Variants in CCDC126 observed in about 807,000 individuals in gnomAD.
CCDC126 encodes coiled-coil domain containing 126.
Under a neutral mutation model 11.7 loss-of-function variants are expected in CCDC126, and 5 were observed. The observed-to-expected ratio is 0.43, with a 90% confidence interval of 0.22 to 0.90. The LOEUF is 0.90. CCDC126 is among the 40% of genes least tolerant of loss of function. The probability of loss-of-function intolerance (pLI) is 0.27; values close to 1 mark genes in which losing one functional copy is unlikely to be tolerated. For synonymous variants in CCDC126, 60 were observed against 61.9 expected (o/e 0.97, Z 0.14); for missense variants, 150 against 163.1 (o/e 0.92, Z 0.44).
intron 3 of CCDC126, among the ~76,000 whole-genome samples, chr7:23,620,796 T>C (rs974818431): frequency 7.2e-5 from 11 of 152,224 alleles, no homozygotes; most frequent in African/African-American, 2.7e-4. Flanking sequence ...TTTCTACATA[T>C]GGCTAGCCAG....
In CCDC126 at chr7:23,644,394, A is replaced by C. The variant is rs1783422874; in HGVS notation, c.*1279A>C. On this transcript the variant is annotated 3_prime_UTR_variant, in exon 4 of 4. Coordinates refer to ENST00000307471, the MANE Select transcript of CCDC126 (RefSeq NM_138771.4). ...TATTTATTCTCTATAGTAACTGCTT[A>C]AGTGCAGCTAGCTTCTAGATTTAGA... The C allele has an allele frequency of 6.6e-6, 1 of 152,550 alleles. No individual in the cohort carries two copies. Among genetic ancestry groups the C allele is most frequent in the Non-Finnish European group, 1.5e-5 (1 of 67,942 alleles). 9.4% of individuals were successfully genotyped at this position (152,550 alleles called of 1,614,324 possible). A position where few individuals can be genotyped will look rare whatever the true frequency, so the allele number is the denominator to read the frequency against.
At chr7:23,612,364 CTGAGGCAGGA>C (rs1354759946) in intron 3 of CCDC126, among the ~76,000 whole-genome samples, 6 of 146,478 alleles carry the variant, frequency 4.1e-5, no homozygotes, top group Admixed American at 2.1e-4. Context: ...ACTCGGGAGA[CTGAGGCAGGA>C]TGAGGCAGGA....
At chr7:23,600,535 G>T (rs1782522781) in intron 2 of CCDC126, among the ~76,000 whole-genome samples, 1 of 152,048 alleles carries the variant, frequency 6.6e-6, no homozygotes, top group Non-Finnish European at 1.5e-5. Flanking sequence ...TCTGAGCTGT[G>T]GTGAACATAC....
intron 3 of CCDC126, among the ~76,000 whole-genome samples, chr7:23,618,052 G>A (rs1782824714): frequency 6.6e-6 from 1 of 152,178 alleles, no homozygotes; most frequent in Non-Finnish European, 1.5e-5. Flanking sequence ...CATAGGACAA[G>A]GTCTGGGAGG....
At chr7:23,637,873 G>A (rs367596504) in intron 3 of CCDC126, among the ~76,000 whole-genome samples, 103 of 94,470 alleles carry the variant, frequency 1.1e-3, no homozygotes, top group African/African-American at 1.7e-3. Context: ...CGGCCGCCCC[G>A]TCCGGGAGGT....
At chr7:23,623,291 G>T (rs1464037684) in intron 3 of CCDC126, among the ~76,000 whole-genome samples, 2 of 151,948 alleles carry the variant, frequency 1.3e-5, no homozygotes, top group Non-Finnish European at 2.9e-5. Flanking sequence ...TTTTGGAATT[G>T]ATATTTTGTC....
chr7:23,629,592 CA>C (rs34772402), intron 3 of CCDC126, among the ~76,000 whole-genome samples: 59 of 139,658 alleles, frequency 4.2e-4, no homozygotes, highest in Admixed American at 3.6e-4. Context: ...AAGACACCTT[CA>C]AAAAAAAAAA....
intron 3 of CCDC126, among the ~76,000 whole-genome samples, chr7:23,617,368 A>G (rs1339234018): frequency 2.6e-5 from 4 of 151,472 alleles, no homozygotes; most frequent in African/African-American, 9.7e-5. Flanking sequence ...AAAAAAAAAA[A>G]AAAAAAGAAA....
intron 3 of CCDC126, among the ~76,000 whole-genome samples, chr7:23,633,723 T>G (rs1160510336): frequency 6.6e-6 from 1 of 152,042 alleles, no homozygotes; most frequent in Admixed American, 6.6e-5. Context: ...AGTGTGGTGG[T>G]GGGCACCTGT....
chr7:23,609,298 C>G (rs1184379339), intron 2 of CCDC126, among the ~76,000 whole-genome samples: 1 of 151,976 alleles, frequency 6.6e-6, no homozygotes, highest in African/African-American at 2.4e-5. Context: ...ATTCTCCTGC[C>G]TCAGCCTCCC....
intron 2 of CCDC126, chr7:23,598,515 A>G (rs781447634): frequency 6.6e-6 from 1 of 152,226 alleles, no homozygotes. Context: ...GATCAGCTTC[A>G]GAGGTACAAG....
intron 2 of CCDC126, among the ~76,000 whole-genome samples, chr7:23,599,373 G>A (rs917390804): frequency 3.3e-5 from 5 of 152,156 alleles, no homozygotes; most frequent in African/African-American, 1.2e-4. Context: ...TAGCCTAGTT[G>A]GCTTTGGAAG....
intron 3 of CCDC126, among the ~76,000 whole-genome samples, chr7:23,636,360 CAG>C (rs2128021739): frequency 6.6e-6 from 1 of 150,528 alleles, no homozygotes; most frequent in Non-Finnish European, 1.5e-5. Context: ...CCTGGCTGCC[CAG>C]TCTGGAAAGT....
chr7:23,644,242 G>A lies in CCDC126; in HGVS notation c.*1127G>A, dbSNP rs986902905. 2 of 152,294 alleles carry A rather than the reference G, an allele frequency of 1.3e-5. No homozygotes were observed. Among genetic ancestry groups the A allele is most frequent in the Admixed American group, 6.6e-5 (1 of 15,266 alleles). The allele number at this position is 152,294 out of a possible 1,614,324, so 9.4% of individuals were successfully genotyped here. A position where few individuals can be genotyped will look rare whatever the true frequency, so the allele number is the denominator to read the frequency against. ...ACTATGAAGATTGACTATCTTTTCAGGAAAAAAGCTGTATATAGCACAGGG... is the reference window on the plus strand; with the variant it reads ...ACTATGAAGATTGACTATCTTTTCAAGAAAAAAGCTGTATATAGCACAGGG... On this transcript the variant is annotated 3_prime_UTR_variant, in exon 4 of 4. Transcript: ENST00000307471.
intron 3 of CCDC126, among the ~76,000 whole-genome samples, chr7:23,612,502 CAAAG>C (rs1456568367): frequency 2.3e-4 from 17 of 75,004 alleles, no homozygotes; most frequent in East Asian, 4.1e-4. Flanking sequence ...AAAAAAAAAA[CAAAG>C]AAAAAAGAAA....
intron 2 of CCDC126, among the ~76,000 whole-genome samples, chr7:23,600,509 G>A (rs1017111905): frequency 2.6e-5 from 4 of 152,036 alleles, no homozygotes; most frequent in East Asian, 3.9e-4. Flanking sequence ...CGTTTTTGGA[G>A]AGAACTATTT....
intron 3 of CCDC126, among the ~76,000 whole-genome samples, chr7:23,630,126 A>G (rs114879006): frequency 6.6e-6 from 1 of 152,258 alleles, no homozygotes; most frequent in Non-Finnish European, 1.5e-5. Context: ...TTACATATTG[A>G]CATATGCAGA....
At chr7:23,614,264 C>T (rs906873581) in intron 3 of CCDC126, among the ~76,000 whole-genome samples, 8 of 152,214 alleles carry the variant, frequency 5.3e-5, no homozygotes, top group Non-Finnish European at 1.0e-4. Flanking sequence ...GTCATTTCAA[C>T]AGTGTCCACA....
chr7:23,634,763 C>T (rs1271923905), intron 3 of CCDC126, among the ~76,000 whole-genome samples: 2 of 152,258 alleles, frequency 1.3e-5, no homozygotes, highest in Admixed American at 6.5e-5. Flanking sequence ...GGTGGGGTCT[C>T]TGGCGGTACC....
Sources: gnomAD v4.1 joint callset for allele counts (sites outside exome capture counted in the v4.1 genomes callset) on GRCh38, gnomAD v4.1.1 for gene constraint, MANE v1.5 for transcripts, NCBI Gene and HGNC (gene_info 2026-07-23, HGNC 2026-07-21) for gene names.